KATNIP: variants seen among roughly 807,000 people sequenced by gnomAD.
KATNIP encodes katanin-interacting protein.
KATNIP carries 126 observed loss-of-function variants against 174.0 expected under a neutral mutation model. The ratio of observed to expected loss-of-function variants is 0.72; its 90% CI spans 0.63 to 0.84. KATNIP has a LOEUF of 0.84. KATNIP is among the 40% of genes least tolerant of loss of function. The pLI is 0.00. For synonymous variants in KATNIP, 810 were observed against 835.7 expected (o/e 0.97, Z 0.53); for missense variants, 1,958 against 2,109.7 (o/e 0.93, Z 1.41).
At chr16:27,640,314 G>A (rs373739440) in intron 5 of KATNIP, among the ~76,000 whole-genome samples, 1 of 152,220 alleles carries the variant, frequency 6.6e-6, no homozygotes, top group Non-Finnish European at 1.5e-5. Flanking sequence ...CGTGCCAAGC[G>A]GGGAGCTAGC....
At chr16:27,671,349 A>G (rs996925805) in intron 6 of KATNIP, among the ~76,000 whole-genome samples, 1 of 152,168 alleles carries the variant, frequency 6.6e-6, no homozygotes, top group African/African-American at 2.4e-5. Context: ...ACTTAAATGT[A>G]TATCTTGATA....
chr16:27,662,055 T>TATATATATATATACACATAC lies in KATNIP; in HGVS notation c.540+13333_540+13334insCACATACATATATATATATA, dbSNP rs2077536941. ...ATATATATATATACACATACATATATATATATATATATATATACACACATA... is the reference window on the plus strand; with the variant it reads ...ATATATATATATACACATACATATATATATATATATATACACATACATATATATATATATATACACACATA... On this transcript the variant is annotated intron_variant, in intron 6 of 27. Coordinates refer to ENST00000261588, the MANE Select transcript of KATNIP (RefSeq NM_015202.5). Among the ~76,000 whole-genome samples, 9 of 91,734 alleles carry TATATATATATATACACATAC rather than the reference T, an allele frequency of 9.8e-5. 2 individuals are homozygous for TATATATATATATACACATAC. The highest frequency in any genetic ancestry group is 4.7e-4 in the African/African-American group (9 of 19,338). 60.2% of individuals were successfully genotyped at this position (91,734 alleles called of 152,430 possible).
intron 14 of KATNIP, among the ~76,000 whole-genome samples, chr16:27,737,243 C>T (rs1018169398): frequency 4.6e-5 from 7 of 152,028 alleles, no homozygotes; most frequent in African/African-American, 7.2e-5. Flanking sequence ...ATTAGCTGGT[C>T]GTGGTGACGT....
chr16:27,634,333 G>C (rs1259539024), intron 5 of KATNIP, among the ~76,000 whole-genome samples: 1 of 152,194 alleles, frequency 6.6e-6, no homozygotes, highest in Non-Finnish European at 1.5e-5. Context: ...ATTTTAAGCA[G>C]AAACAAATGC....
chr16:27,648,487 C>T (rs1386194777), intron 5 of KATNIP, 117 bp from the exon 6 acceptor site: 34 of 1,232,464 alleles, frequency 2.8e-5, no homozygotes, highest in Non-Finnish European at 3.3e-5. Context: ...AGGCACACCA[C>T]CCCATGGTAT....
At chr16:27,702,045 G>A (rs2079122134) in intron 11 of KATNIP, among the ~76,000 whole-genome samples, 1 of 152,150 alleles carries the variant, frequency 6.6e-6, no homozygotes, top group African/African-American at 2.4e-5. Flanking sequence ...ACCCACCTCG[G>A]CCTCTCAAAC....
intron 15 of KATNIP, 46 bp downstream of exon 15, chr16:27,740,966 C>T (rs1399931679): frequency 6.6e-7 from 1 of 1,512,612 alleles, no homozygotes; most frequent in African/African-American, 1.5e-5. Flanking sequence ...CATCCCAGCC[C>T]CTCTAATTGG....
chr16:27,679,657 C>G lies in KATNIP; in HGVS notation c.808+1661C>G, dbSNP rs146253533. On this transcript the variant is annotated intron_variant, in intron 7 of 27. Transcript: ENST00000261588. The stretch of plus-strand genomic sequence containing the variant: ...GTCCTAGCTACTTGGGAGGCTGAGG[C>G]AGGAGGATCACTTAAGTCTGAAAAG... 9.9e-3 allele frequency among the ~76,000 whole-genome samples: 1,483 copies of G among 149,884 alleles called. 30 individuals carry two copies. The highest frequency in any genetic ancestry group is 0.034 in the African/African-American group (1,382 of 40,640).
chr16:27,614,772 T>G (rs935313392), intron 2 of KATNIP, among the ~76,000 whole-genome samples: 1 of 152,150 alleles, frequency 6.6e-6, no homozygotes, highest in Non-Finnish European at 1.5e-5. Context: ...ATCCTGTTCC[T>G]GAGTGGGTCT....
intron 2 of KATNIP, among the ~76,000 whole-genome samples, chr16:27,602,079 T>C (rs2141949601): frequency 6.6e-6 from 1 of 152,308 alleles, no homozygotes; most frequent in African/African-American, 2.4e-5. Flanking sequence ...AGCACCAGCC[T>C]GAGAGGGCGA....
intron 27 of KATNIP, among the ~76,000 whole-genome samples, chr16:27,778,335 G>A (rs569371972): frequency 6.6e-6 from 1 of 152,340 alleles, no homozygotes; most frequent in East Asian, 1.9e-4. Context: ...GTTTGAGCTG[G>A]ATCCTAAAGG....
At chr16:27,624,488 C>T (rs1028331912) in intron 3 of KATNIP, among the ~76,000 whole-genome samples, 13 of 152,140 alleles carry the variant, frequency 8.5e-5, no homozygotes, top group African/African-American at 3.1e-4. Context: ...GTCTCCTGCC[C>T]CAACTTGAGA....
At chr16:27,712,137 G>C (rs183839933) in intron 13 of KATNIP, among the ~76,000 whole-genome samples, 1 of 152,296 alleles carries the variant, frequency 6.6e-6, no homozygotes, top group African/African-American at 2.4e-5. Flanking sequence ...GCAGAGACTG[G>C]GGCGCTTTGC....
chr16:27,713,802 G>GTGTGTATA (rs1381722732), intron 13 of KATNIP, among the ~76,000 whole-genome samples: 4 of 46,318 alleles, frequency 8.6e-5, no homozygotes, highest in Non-Finnish European at 1.2e-4. Flanking sequence ...GTGTGTGTGT[G>GTGTGTATA]TATATACATA....
At chr16:27,556,293 T>G (rs772587943) in intron 1 of KATNIP, among the ~76,000 whole-genome samples, 17 of 152,214 alleles carry the variant, frequency 1.1e-4, no homozygotes, top group Admixed American at 7.9e-4. Context: ...AAATCCAATG[T>G]TTGACATTTT....
chr16:27,567,698 A>G (rs1000543634), intron 1 of KATNIP, among the ~76,000 whole-genome samples: 4 of 152,068 alleles, frequency 2.6e-5, no homozygotes, highest in African/African-American at 9.7e-5. Flanking sequence ...TAATTTTTGT[A>G]TTTTTAGTAG....
intron 14 of KATNIP, among the ~76,000 whole-genome samples, chr16:27,731,436 T>C (rs886207139): frequency 6.6e-6 from 1 of 152,216 alleles, no homozygotes; most frequent in African/African-American, 2.4e-5. Context: ...AAGCGGTATT[T>C]AAAGCACTTT....
At position 27,740,198 on chromosome 16, in the gene KATNIP, A is replaced by G. The variant is rs143211370; in HGVS notation, c.1901A>G (p.Asn634Ser). ...EKSEQLEEAM[N>S]AHSEESKGTH... ...AGCGAGCAACTAGAGGAGGCCATGAACGCTCACTCGGAAGAAAGCAAAGGC... is the reference window on the plus strand; with the variant it reads ...AGCGAGCAACTAGAGGAGGCCATGAGCGCTCACTCGGAAGAAAGCAAAGGC... The change falls in exon 15 of 28, where the codon AAC (asparagine) becomes AGC (serine). Residue 634 changes from asparagine (N) to serine (S), a missense_variant. Physicochemically the swap from Asn to Ser is conservative, Grantham distance 46. This residue lies in a region of KATNIP where 1,557 missense variants were observed against 1,617.8 expected (regional missense o/e 0.96). Transcript: ENST00000261588. 1 of 1,614,068 alleles carries G rather than the reference A, an allele frequency of 6.2e-7. No homozygotes were observed. Among genetic ancestry groups the G allele is most frequent in the African/African-American group, 1.3e-5 (1 of 74,924 alleles).
chr16:27,657,357 T>A (rs756964046), intron 6 of KATNIP, among the ~76,000 whole-genome samples: 11 of 152,200 alleles, frequency 7.2e-5, no homozygotes, highest in Non-Finnish European at 1.3e-4. Context: ...TTTTACATTT[T>A]TTCAAAATAG....
Sources: allele counts gnomAD v4.1 joint callset (sites outside exome capture counted in the v4.1 genomes callset), GRCh38; gene constraint gnomAD v4.1.1; regional missense constraint gnomAD v4.1.1; transcripts MANE v1.5; gene names NCBI Gene and HGNC (gene_info 2026-07-23, HGNC 2026-07-21).